Variants in DNAJC16 observed in about 807,000 individuals in gnomAD.
The protein encoded by DNAJC16 is DnaJ heat shock protein family (Hsp40) member C16.
DNAJC16 carries 76 observed loss-of-function variants against 92.7 expected under a neutral mutation model. That is an observed-to-expected ratio of 0.82 (90% CI 0.68 to 0.99). The LOEUF (loss-of-function observed/expected upper bound fraction) is 0.99, where lower values mean the gene tolerates loss of function less well. Ranked by LOEUF, DNAJC16 falls within the 50% of genes least tolerant of loss-of-function variation. DNAJC16 has a pLI of 0.00. For synonymous variants in DNAJC16, 328 were observed against 358.7 expected (o/e 0.91, Z 0.97); for missense variants, 869 against 942.4 (o/e 0.92, Z 1.02).
chr1:15,563,246 A>G (rs72645826), intron 9 of DNAJC16, among the ~76,000 whole-genome samples: 43,614 of 151,614 alleles, frequency 0.29, 7,335 homozygotes, highest in African/African-American at 0.46. Flanking sequence ...GTTATTTCTT[A>G]GGCCGAACGC....
At position 15,538,717 on chromosome 1, in the gene DNAJC16, G is replaced by C. The variant is rs573710666; in HGVS notation, c.574+1903G>C. Among the ~76,000 whole-genome samples, 12 of 151,410 alleles carry C rather than the reference G, an allele frequency of 7.9e-5. No homozygotes were observed. The South Asian group carries it at 2.5e-3, about 31-fold the overall frequency. On this transcript the variant is annotated intron_variant, in intron 4 of 14. Coordinates refer to ENST00000375847, the MANE Select transcript of DNAJC16 (RefSeq NM_015291.4). ...GGGCAGTGAGCGAAACTCTGTCTCA[G>C]AAAAACAAAAAAAAGACTAATTCCT...
rs111720991 is a variant in DNAJC16, at chr1:15,564,843, A to AT, written c.1598+493dup. Among the ~76,000 whole-genome samples, 29 of 142,688 alleles carry AT rather than the reference A, an allele frequency of 2.0e-4. No homozygotes were observed. The East Asian group carries it at 2.2e-3, about 11-fold the overall frequency. The allele number at this position is 142,688 out of a possible 152,430, so 93.6% of individuals were successfully genotyped here. On this transcript the variant is annotated intron_variant, in intron 11 of 14. Coordinates refer to ENST00000375847, the MANE Select transcript of DNAJC16 (RefSeq NM_015291.4). The stretch of plus-strand genomic sequence containing the variant: ...TGCTCCCGGACATTTTTTATTTTTT[A>AT]TTTTTTTTTGAGACAGAGTCTCACT...
chr1:15,538,320 G>A (rs11578615), intron 4 of DNAJC16, among the ~76,000 whole-genome samples: 42,045 of 150,382 alleles, frequency 0.28, 6,680 homozygotes, highest in African/African-American at 0.43. Context: ...GCTTGAACCC[G>A]GGAAGCAGAG....
At chr1:15,527,770 T>TA (rs765030077) in intron 1 of DNAJC16, among the ~76,000 whole-genome samples, 1 of 152,228 alleles carries the variant, frequency 6.6e-6, no homozygotes, top group South Asian at 2.1e-4. Flanking sequence ...AACTTGCACT[T>TA]ACGGAAATCC....
chr1:15,533,745 A>G (rs16851731), intron 2 of DNAJC16, among the ~76,000 whole-genome samples: 42,218 of 152,190 alleles, frequency 0.28, 6,730 homozygotes, highest in African/African-American at 0.43. Flanking sequence ...TGCAGTTTGA[A>G]ACCTGATTGT....
At position 15,534,308 on chromosome 1, in the gene DNAJC16, C is replaced by T. The variant is rs11583306; in HGVS notation, c.234+5C>T. Reference sequence around the variant, plus strand: ...CAAATCAGTAAGGCTTACGAGGTATCGTGTCCAGCTTTGTGATGCATCCAT... The same window carrying T: ...CAAATCAGTAAGGCTTACGAGGTATTGTGTCCAGCTTTGTGATGCATCCAT... On this transcript the variant is annotated splice_donor_5th_base_variant and intron_variant, in intron 3 of 14. Coordinates refer to ENST00000375847, the MANE Select transcript of DNAJC16 (RefSeq NM_015291.4). 361,485 of 1,612,722 alleles carry T rather than the reference C, an allele frequency of 0.22. 43,380 individuals carry two copies. The highest frequency in any genetic ancestry group is 0.42 in the African/African-American group (31,104 of 74,860).
chr1:15,565,284 C>G (rs1209602714), intron 11 of DNAJC16: 1 of 153,302 alleles, frequency 6.5e-6, no homozygotes, highest in Admixed American at 6.5e-5. Flanking sequence ...CACGTGGAGT[C>G]CAGTGTATAG....
rs756008831 is a variant in DNAJC16 at position 15,546,876 on chromosome 1, T to C, written c.864+5T>C. On this transcript the variant is annotated splice_donor_5th_base_variant and intron_variant, in intron 6 of 14. Coordinates refer to ENST00000375847, the MANE Select transcript of DNAJC16 (RefSeq NM_015291.4). ...ATTGTGCCACTGTTATACAAGGTACTTTCTATGCTAGGATAATGGTTTCTT... is the reference window on the plus strand; with the variant it reads ...ATTGTGCCACTGTTATACAAGGTACCTTCTATGCTAGGATAATGGTTTCTT... 2.5e-6 allele frequency: 4 copies of C among 1,583,848 alleles called. No homozygotes were observed. The South Asian group carries it at 4.7e-5, about 18-fold the overall frequency.
chr1:15,566,267 T>C (rs1359320195), intron 13 of DNAJC16, 87 bp downstream of exon 13: 5 of 1,112,532 alleles, frequency 4.5e-6, no homozygotes, highest in Non-Finnish European at 6.5e-6. Flanking sequence ...GAACATAGAG[T>C]GTAGAGAAGA....
chr1:15,562,246 T>G lies in DNAJC16; in HGVS notation c.1259T>G (p.Val420Gly), dbSNP rs1638707399. 1.2e-6 allele frequency: 2 copies of G among 1,614,178 alleles called. No individual in the cohort carries two copies. Among genetic ancestry groups the G allele is most frequent in the Middle Eastern group, 1.6e-4 (1 of 6,062 alleles). Reference protein sequence around the residue: ...LANTQDTVRFVHVYSNRQQEF... With the variant: ...LANTQDTVRFGHVYSNRQQEF... ...AACACTCAAGACACAGTGAGATTTG[T>G]GCATGTCTACAGCAATCGGCAGCAG... The change falls in exon 9 of 15, where the codon GTG becomes GGG. Residue 420 changes from valine (V) to glycine (G), a missense_variant. By Grantham distance (109) the Val-to-Gly change is moderately radical (BLOSUM62 -3). Coordinates refer to ENST00000375847, the MANE Select transcript of DNAJC16 (RefSeq NM_015291.4).
At chr1:15,530,159 G>A (rs961738564) in intron 2 of DNAJC16, among the ~76,000 whole-genome samples, 7 of 151,640 alleles carry the variant, frequency 4.6e-5, no homozygotes, top group African/African-American at 1.7e-4. Context: ...GCTCATGTTT[G>A]TAATCCCAGC....
intron 3 of DNAJC16, among the ~76,000 whole-genome samples, chr1:15,534,592 G>A (rs189895550): frequency 1.3e-5 from 2 of 152,286 alleles, no homozygotes; most frequent in East Asian, 3.9e-4. Context: ...GGGCGTGGTG[G>A]CACGTGCCTG....
At chr1:15,543,012 T>C (rs766937576) in intron 4 of DNAJC16, among the ~76,000 whole-genome samples, 1 of 152,208 alleles carries the variant, frequency 6.6e-6, no homozygotes, top group African/African-American at 2.4e-5. Flanking sequence ...ACAACTTCAG[T>C]GTGCAACAAT....
chr1:15,565,855 A>C, intron 11 of DNAJC16, 64 bp from the exon 12 acceptor site: 2 of 1,518,444 alleles, frequency 1.3e-6, no homozygotes, highest in Non-Finnish European at 1.8e-6. Context: ...TTTTTATTTT[A>C]TCTTTTTTTA....
chr1:15,567,405 C>T, intron 14 of DNAJC16, 136 bp downstream of exon 14: 1 of 909,514 alleles, frequency 1.1e-6, no homozygotes, highest in Non-Finnish European at 1.6e-6. Context: ...CCTTTCCAAT[C>T]CAGACATCTG....
At chr1:15,535,052 G>A (rs1266767864) in intron 3 of DNAJC16, among the ~76,000 whole-genome samples, 1 of 152,240 alleles carries the variant, frequency 6.6e-6, no homozygotes, top group Admixed American at 6.5e-5. Flanking sequence ...TTTGTATAGG[G>A]AATGCCCTTC....
rs1408893623 is a variant in DNAJC16 at position 15,544,476 on chromosome 1, A to G, written c.652A>G (p.Ile218Val). 2 of 1,614,132 alleles carry G rather than the reference A, an allele frequency of 1.2e-6. No individual in the cohort carries two copies. Among genetic ancestry groups the G allele is most frequent in the East Asian group, 2.2e-5 (1 of 44,880 alleles). Residue 218 changes from isoleucine (I) to valine (V), a missense_variant, in exon 5 of 15, where the codon ATC becomes GTC. By Grantham distance (29) the Ile-to-Val change is conservative (BLOSUM62 3). Transcript: ENST00000375847. ...HHLGAHSTPS[I>V]LGIINGKISF... ...CCTAGGGGCACACAGCACGCCCTCTATCCTAGGAATCATTAACGGGAAAAT... is the reference window on the plus strand; with the variant it reads ...CCTAGGGGCACACAGCACGCCCTCTGTCCTAGGAATCATTAACGGGAAAAT...
chr1:15,542,876 G>A (rs1315819113), intron 4 of DNAJC16, among the ~76,000 whole-genome samples: 27 of 152,164 alleles, frequency 1.8e-4, no homozygotes, highest in Admixed American at 1.6e-3. Flanking sequence ...CAGGAAGATC[G>A]CTTGAGCCCA....
chr1:15,559,506 G>A lies in DNAJC16; in HGVS notation c.1024-20G>A. The stretch of plus-strand genomic sequence containing the variant: ...TGAGAACACTGCATAAAATCTAGCT[G>A]ATTCTTGGTTTTTCTCTAGGCCCGA... On this transcript the variant is annotated intron_variant, in intron 7 of 14. Coordinates refer to ENST00000375847, the MANE Select transcript of DNAJC16 (RefSeq NM_015291.4). 1.2e-6 allele frequency: 2 copies of A among 1,613,616 alleles called. No individual in the cohort carries two copies. The highest frequency in any genetic ancestry group is 3.3e-5 in the Admixed American group (2 of 59,974).
Sources: gnomAD v4.1 joint callset for allele counts (sites outside exome capture counted in the v4.1 genomes callset) on GRCh38, gnomAD v4.1.1 for gene constraint, MANE v1.5 for transcripts, NCBI Gene and HGNC (gene_info 2026-07-23, HGNC 2026-07-21) for gene names.